Variants in C1orf141 observed in about 807,000 individuals in gnomAD.
The protein encoded by C1orf141 is uncharacterized protein C1orf141.
Under a neutral mutation model 23.2 loss-of-function variants are expected in C1orf141, and 19 were observed. The observed-to-expected ratio is 0.82, with a 90% CI of 0.57 to 1.20. The LOEUF (loss-of-function observed/expected upper bound fraction) is 1.20. Among genes scored for constraint, C1orf141 ranks in the 50% most tolerant of loss-of-function variants. The probability of loss-of-function intolerance (pLI) is 0.00; values close to 1 mark genes in which losing one functional copy is unlikely to be tolerated. For missense variants in C1orf141, 469 were observed against 455.1 expected (o/e 1.03, Z -0.28); for synonymous variants, 153 against 154.6 (o/e 0.99, Z 0.08).
chr1:67,117,505 T>C (rs1011225775), intron 4 of C1orf141, among the ~76,000 whole-genome samples: 1 of 152,188 alleles, frequency 6.6e-6, no homozygotes, highest in African/African-American at 2.4e-5. Context: ...TTTTAATGGG[T>C]TTTCAGTTTG....
At chr1:67,129,984 GTC>G (rs1489426127) in intron 2 of C1orf141, among the ~76,000 whole-genome samples, 1 of 152,086 alleles carries the variant, frequency 6.6e-6, no homozygotes, top group African/African-American at 2.4e-5. Context: ...TTAGAGATTA[GTC>G]TCTATATTTT....
intron 5 of C1orf141, among the ~76,000 whole-genome samples, chr1:67,101,864 A>T (rs1024875969): frequency 6.6e-6 from 1 of 152,160 alleles, no homozygotes; most frequent in African/African-American, 2.4e-5. Context: ...CTAATAGAAC[A>T]TCCTGTCGCT....
chr1:67,140,201 C>T (rs1350202413), intron 1 of C1orf141, among the ~76,000 whole-genome samples: 1 of 152,164 alleles, frequency 6.6e-6, no homozygotes, highest in Non-Finnish European at 1.5e-5. Flanking sequence ...TCTTGCAAGG[C>T]TTCACTTACT....
At chr1:67,097,494 T>C (rs1176218246) in intron 5 of C1orf141, among the ~76,000 whole-genome samples, 1 of 152,096 alleles carries the variant, frequency 6.6e-6, no homozygotes, top group Non-Finnish European at 1.5e-5. Context: ...CAGTGTTGCT[T>C]GGGTGTGGTG....
At chr1:67,102,481 G>A (rs553740849) in intron 5 of C1orf141, among the ~76,000 whole-genome samples, 8 of 151,960 alleles carry the variant, frequency 5.3e-5, no homozygotes, top group Non-Finnish European at 8.8e-5. Context: ...GGGAGTTGGC[G>A]TTGGGAAAAC....
At chr1:67,097,574 G>C (rs1645710691) in intron 5 of C1orf141, among the ~76,000 whole-genome samples, 1 of 152,188 alleles carries the variant, frequency 6.6e-6, no homozygotes, top group South Asian at 2.1e-4. Context: ...GGTCACATAA[G>C]CCATGGTGAA....
intron 4 of C1orf141, among the ~76,000 whole-genome samples, chr1:67,119,994 G>A (rs1172200816): frequency 6.6e-6 from 1 of 152,174 alleles, no homozygotes; most frequent in Non-Finnish European, 1.5e-5. Flanking sequence ...TGCAACTCCC[G>A]CTAGGCAGAG....
intron 5 of C1orf141, among the ~76,000 whole-genome samples, chr1:67,107,557 G>A (rs114773020): frequency 0.039 from 5,960 of 152,268 alleles, 189 homozygotes; most frequent in South Asian, 0.066. Flanking sequence ...TAAACGGGAT[G>A]CATAAGAAGG....
At chr1:67,106,375 G>A (rs978303353) in intron 5 of C1orf141, among the ~76,000 whole-genome samples, 4 of 152,112 alleles carry the variant, frequency 2.6e-5, no homozygotes, top group African/African-American at 7.2e-5. Flanking sequence ...GGTCAGGCAC[G>A]GCAGCTCATG....
At chr1:67,122,127 C>T (rs1646312012) in intron 4 of C1orf141, 1 of 152,276 alleles carries the variant, frequency 6.6e-6, no homozygotes, top group African/African-American at 2.4e-5. Context: ...ACCTCCACCT[C>T]CAGGGTTTAA....
At chr1:67,123,826 G>A (rs1448427455) in intron 4 of C1orf141, 1 of 152,160 alleles carries the variant, frequency 6.6e-6, no homozygotes, top group Non-Finnish European at 1.5e-5. Flanking sequence ...ATCTCTACCT[G>A]AATGTTTAGA....
At chr1:67,135,504 C>T (rs1329129992), upstream of C1orf141, among the ~76,000 whole-genome samples, 1 of 152,142 alleles carries the variant, frequency 6.6e-6, no homozygotes, top group Non-Finnish European at 1.5e-5. Context: ...CTTGGCTGCA[C>T]ACACACATAC....
intron 5 of C1orf141, chr1:67,103,224 T>C: frequency 2.2e-6 from 3 of 1,356,154 alleles, no homozygotes; most frequent in Non-Finnish European, 3.0e-6. Flanking sequence ...AATGTAAACA[T>C]GCAATTTGTA....
chr1:67,105,937 G>T (rs1645917215), intron 5 of C1orf141, among the ~76,000 whole-genome samples: 1 of 152,136 alleles, frequency 6.6e-6, no homozygotes, highest in Non-Finnish European at 1.5e-5. Flanking sequence ...ATGCTAGAAA[G>T]AAGAGAGCCA....
rs1264967825 is a variant in C1orf141, at chr1:67,093,564, T to C, written c.644A>G (p.Glu215Gly). 2 of 1,582,494 alleles carry C rather than the reference T, an allele frequency of 1.3e-6. No individual in the cohort carries two copies. Among genetic ancestry groups the C allele is most frequent in the Non-Finnish European group, 8.6e-7 (1 of 1,164,948 alleles). Residue 215 changes from glutamate to glycine, a missense_variant, in exon 8 of 8, where the codon GAA becomes GGA. Physicochemically the swap from Glu to Gly is moderately conservative, Grantham distance 98. This residue lies in a region of C1orf141 where 370 missense variants were observed against 348.1 expected (regional missense o/e 1.06). Transcript: ENST00000684719. ...DTNPIIFHDT[E>G]YVRMLLLTKN... ...TGTCAAAAGTAACATTCGTACATAT[T>C]CTGTGTCATGGAAAATTATGGGATT... is the stretch of plus-strand genomic sequence containing the variant.
chr1:67,096,331 T>G lies in C1orf141; in HGVS notation c.347-10A>C. ...TTTTTTTCAATTTGAGCTGAAATTT[T>G]AAAAGATTTTCATAAAAGACACATA... On this transcript the variant is annotated splice_polypyrimidine_tract_variant and intron_variant, in intron 5 of 7. Transcript: ENST00000684719. The G allele has an allele frequency of 7.1e-7, 1 of 1,417,508 alleles. No homozygotes were observed. Among genetic ancestry groups the G allele is most frequent in the Non-Finnish European group, 9.8e-7 (1 of 1,024,416 alleles). The allele number at this position is 1,417,508 out of a possible 1,614,324, so 87.8% of individuals were successfully genotyped here. A position where few individuals can be genotyped will look rare whatever the true frequency, so the allele number is the denominator to read the frequency against.
At chr1:67,119,548 A>G (rs1262339642) in intron 4 of C1orf141, among the ~76,000 whole-genome samples, 1 of 152,242 alleles carries the variant, frequency 6.6e-6, no homozygotes, top group Non-Finnish European at 1.5e-5. Context: ...CTCATATTAC[A>G]AAAGAATGAA....
At chr1:67,107,881 C>CT (rs1415594367) in intron 5 of C1orf141, among the ~76,000 whole-genome samples, 1 of 152,142 alleles carries the variant, frequency 6.6e-6, no homozygotes, top group African/African-American at 2.4e-5. Context: ...AATAAACTTC[C>CT]TGCTAGTGTG....
At chr1:67,126,358 G>A (rs1646413634) in intron 3 of C1orf141, among the ~76,000 whole-genome samples, 1 of 152,100 alleles carries the variant, frequency 6.6e-6, no homozygotes, top group Non-Finnish European at 1.5e-5. Flanking sequence ...AATCAAAAGA[G>A]GACTTTGTTA....
Sources: gnomAD v4.1 joint callset for allele counts (sites outside exome capture counted in the v4.1 genomes callset) on GRCh38, gnomAD v4.1.1 for gene constraint, gnomAD v4.1.1 regional missense constraint, MANE v1.5 for transcripts, NCBI Gene and HGNC (gene_info 2026-07-23, HGNC 2026-07-21) for gene names.